The following NTSR1 variants were observed in gnomAD, a reference collection of about 807,000 sequenced individuals.
The protein encoded by NTSR1 is neurotensin receptor type 1.
In NTSR1, 29 loss-of-function variants were observed where a neutral mutation model predicts 31.2. That is an observed-to-expected ratio of 0.93 (90% CI 0.69 to 1.27). The LOEUF is 1.27. Ranked by LOEUF, NTSR1 falls within the 50% of genes most tolerant of loss-of-function variation. NTSR1 has a pLI of 0.00. For missense variants in NTSR1, 697 were observed against 595.4 expected (o/e 1.17, Z -1.78); for synonymous variants, 282 against 269.9 (o/e 1.04, Z -0.44).
chr20:62,711,681 G>A lies in NTSR1; in HGVS notation c.714+1760G>A, dbSNP rs767178518. On this transcript the variant is annotated intron_variant, in intron 1 of 3. Coordinates refer to ENST00000370501, the MANE Select transcript of NTSR1 (RefSeq NM_002531.3). This position sits in a 1 kb window ranked among gnomAD's most constrained non-coding sequence, Gnocchi z 6.4. ...CTGCAGTCCTCAAAAACAAACAGCC[G>A]AAAAGCACAGGGGCGTGAGGACAGC... 9.3e-5 allele frequency among the ~76,000 whole-genome samples: 14 copies of A among 150,632 alleles called. No homozygotes were observed. The highest frequency in any genetic ancestry group is 4.0e-4 in the East Asian group (2 of 5,022).
chr20:62,759,601 C>T (rs1416780588), intron 3 of NTSR1, among the ~76,000 whole-genome samples: 3 of 152,052 alleles, frequency 2.0e-5, no homozygotes, highest in East Asian at 1.9e-4. Context: ...GGTGAAACCC[C>T]GTCTCTACCA....
rs1988616327 is a variant in NTSR1 at position 62,711,599 on chromosome 20, G to GCTCAGATCCCCGATCCCCCCT, written c.714+1684_714+1685insTCCCCGATCCCCCCTCTCAGA. 1.9e-5 allele frequency among the ~76,000 whole-genome samples: 1 copy of GCTCAGATCCCCGATCCCCCCT among 52,486 alleles called. No individual in the cohort carries two copies. Among genetic ancestry groups the GCTCAGATCCCCGATCCCCCCT allele is most frequent in the African/African-American group, 7.9e-5 (1 of 12,638 alleles). 34.4% of individuals were successfully genotyped at this position (52,486 alleles called of 152,430 possible). Reference sequence around the variant, plus strand: ...CCCCGCTCAGATCCCCGATCCCCCCGCTCAGAACCCCGATCCCCCTGCTCC... The same window carrying GCTCAGATCCCCGATCCCCCCT: ...CCCCGCTCAGATCCCCGATCCCCCCGCTCAGATCCCCGATCCCCCCTCTCAGAACCCCGATCCCCCTGCTCC... On this transcript the variant is annotated intron_variant, in intron 1 of 3. Coordinates refer to ENST00000370501, the MANE Select transcript of NTSR1 (RefSeq NM_002531.3). This position sits in a 1 kb window ranked among gnomAD's most constrained non-coding sequence, Gnocchi z 6.4.
Position 62,758,836 on chromosome 20 carries a change from G to T in NTSR1, c.1007+480G>T, listed in dbSNP as rs1256682878. 6.6e-6 allele frequency among the ~76,000 whole-genome samples: 1 copy of T among 152,176 alleles called. No individual in the cohort carries two copies. The highest frequency in any genetic ancestry group is 1.5e-5 in the Non-Finnish European group (1 of 68,014). ...AGCAAAGGGAAAAGACACATGGAGT[G>T]GGGTCAGCGGAAGACCAGATGCAGC... On this transcript the variant is annotated intron_variant, in intron 3 of 3. Coordinates refer to ENST00000370501, the MANE Select transcript of NTSR1 (RefSeq NM_002531.3). This position sits in a 1 kb window ranked among gnomAD's most constrained non-coding sequence, Gnocchi z 4.5.
chr20:62,731,059 C>T (rs1468944467), intron 1 of NTSR1, among the ~76,000 whole-genome samples: 1 of 151,904 alleles, frequency 6.6e-6, no homozygotes, highest in African/African-American at 2.4e-5. Context: ...ATTTTTAGAG[C>T]GTTTTTGTTT....
At chr20:62,726,955 G>A (rs758320369) in intron 1 of NTSR1, among the ~76,000 whole-genome samples, 9 of 152,198 alleles carry the variant, frequency 5.9e-5, no homozygotes, top group Non-Finnish European at 1.0e-4. Flanking sequence ...TGTCCTCTGA[G>A]CCCCATCTGG....
rs375637852 is a variant in NTSR1, at chr20:62,712,214, C to T, written c.714+2293C>T. Among the ~76,000 whole-genome samples the T allele has an allele frequency of 5.5e-4, 84 of 152,324 alleles. 1 individual carries two copies. The highest frequency in any genetic ancestry group is 1.9e-3 in the African/African-American group (77 of 41,572). ...GGTTTCCCCGGAATTAGGGGGTTTACGGTCCCCACGTGGGCTTCTGGGCCA... is the reference window on the plus strand; with the variant it reads ...GGTTTCCCCGGAATTAGGGGGTTTATGGTCCCCACGTGGGCTTCTGGGCCA... On this transcript the variant is annotated intron_variant, in intron 1 of 3. Coordinates refer to ENST00000370501, the MANE Select transcript of NTSR1 (RefSeq NM_002531.3).
At chr20:62,718,053 A>C (rs977613531) in intron 1 of NTSR1, among the ~76,000 whole-genome samples, 1 of 152,130 alleles carries the variant, frequency 6.6e-6, no homozygotes, top group Non-Finnish European at 1.5e-5. Flanking sequence ...ACCCCAGGGC[A>C]GGCACGTGCT....
chr20:62,726,472 C>T (rs967308197), intron 1 of NTSR1, among the ~76,000 whole-genome samples: 7 of 152,156 alleles, frequency 4.6e-5, no homozygotes, highest in Admixed American at 6.5e-5. Context: ...TCGCTTAGCA[C>T]GGCATCCCCA....
Position 62,733,519 on chromosome 20 carries a change from G to T in NTSR1, c.715-21166G>T, listed in dbSNP as rs775547916. Among the ~76,000 whole-genome samples the T allele has an allele frequency of 2.1e-4, 32 of 152,170 alleles. No homozygotes were observed. Among genetic ancestry groups the T allele is most frequent in the Non-Finnish European group, 3.4e-4 (23 of 68,026 alleles). ...GGTTCTAGAAAGTTCTGGAAAGCTC[G>T]GCTGTGGCTGACTCCTGGCTTAGGG... On this transcript the variant is annotated intron_variant, in intron 1 of 3. Transcript: ENST00000370501. This position sits in a 1 kb window ranked among gnomAD's most constrained non-coding sequence, Gnocchi z 5.2.
rs376077095 is a variant in NTSR1, at chr20:62,737,358, A to G, written c.715-17327A>G. 5.9e-5 allele frequency among the ~76,000 whole-genome samples: 9 copies of G among 152,140 alleles called. No individual in the cohort carries two copies. In the East Asian group the frequency reaches 1.2e-3, roughly 20 times the overall value. On this transcript the variant is annotated intron_variant, in intron 1 of 3. Coordinates refer to ENST00000370501, the MANE Select transcript of NTSR1 (RefSeq NM_002531.3). Reference sequence around the variant, plus strand: ...ACAGTGACTCACTCTCTGGACCTTCACAGAAAGCATTCACCCACCCCACCC... The same window carrying G: ...ACAGTGACTCACTCTCTGGACCTTCGCAGAAAGCATTCACCCACCCCACCC...
intron 1 of NTSR1, among the ~76,000 whole-genome samples, chr20:62,718,950 G>GT (rs1204041508): frequency 6.6e-6 from 1 of 152,176 alleles, no homozygotes; most frequent in East Asian, 1.9e-4. Flanking sequence ...GCGATGCGCT[G>GT]TTTTGAACGT....
intron 1 of NTSR1, among the ~76,000 whole-genome samples, chr20:62,716,787 C>T (rs1209731547): frequency 1.3e-5 from 2 of 152,124 alleles, no homozygotes; most frequent in African/African-American, 4.8e-5. Context: ...CGCTCCCTGA[C>T]CAGGCTGCTG....
chr20:62,729,084 A>G (rs560182328), intron 1 of NTSR1, among the ~76,000 whole-genome samples: 1 of 152,300 alleles, frequency 6.6e-6, no homozygotes, highest in Non-Finnish European at 1.5e-5. Context: ...AGGGAGCTAA[A>G]CCTGAGACTG....
At chr20:62,730,691 G>T (rs1361351004) in intron 1 of NTSR1, among the ~76,000 whole-genome samples, 1 of 152,254 alleles carries the variant, frequency 6.6e-6, no homozygotes, top group African/African-American at 2.4e-5. Context: ...GCGCCATTTT[G>T]AATTCCCAGC....
intron 1 of NTSR1, 61 bp downstream of exon 1, chr20:62,709,982 G>A: frequency 3.0e-6 from 4 of 1,319,764 alleles, no homozygotes; most frequent in Non-Finnish European, 4.1e-6. Flanking sequence ...CAGTGCCAGT[G>A]GTGTGCCTTC....
Position 62,760,444 on chromosome 20 carries a change from C to A in NTSR1, c.*177C>A. 1.8e-6 allele frequency: 1 copy of A among 568,618 alleles called. No homozygotes were observed. The highest frequency in any genetic ancestry group is 2.9e-6 in the Non-Finnish European group (1 of 348,904). The allele number at this position is 568,618 out of a possible 1,614,324, so 35.2% of individuals were successfully genotyped here. ...CCTAACCCATGTTTCTCATTAGTGTCTCCCGGGCCTGTCCCCAACTCCTCC... is the reference window on the plus strand; with the variant it reads ...CCTAACCCATGTTTCTCATTAGTGTATCCCGGGCCTGTCCCCAACTCCTCC... On this transcript the variant is annotated 3_prime_UTR_variant, in exon 4 of 4. Coordinates refer to ENST00000370501, the MANE Select transcript of NTSR1 (RefSeq NM_002531.3).
At position 62,744,297 on chromosome 20, in the gene NTSR1, G is replaced by A. The variant is rs1046079499; in HGVS notation, c.715-10388G>A. 2.0e-5 allele frequency among the ~76,000 whole-genome samples: 3 copies of A among 152,204 alleles called. No homozygotes were observed. Among genetic ancestry groups the A allele is most frequent in the Admixed American group, 6.5e-5 (1 of 15,274 alleles). On this transcript the variant is annotated intron_variant, in intron 1 of 3. Transcript: ENST00000370501. This position sits in a 1 kb window ranked among gnomAD's most constrained non-coding sequence, Gnocchi z 4.1. ...GGGCTGGACGCAGTGGCTCGTGTTT[G>A]TAATCCCAGCACTTTGGGAGGCCGA...
At chr20:62,759,743 C>G (rs1387122906) in intron 3 of NTSR1, among the ~76,000 whole-genome samples, 1 of 149,080 alleles carries the variant, frequency 6.7e-6, no homozygotes, top group East Asian at 2.0e-4. Flanking sequence ...CCACTGTACT[C>G]CAGCCTGGGA....
chr20:62,741,520 C>T lies in NTSR1; in HGVS notation c.715-13165C>T, dbSNP rs1989206842. 1.3e-5 allele frequency among the ~76,000 whole-genome samples: 2 copies of T among 149,536 alleles called. No individual in the cohort carries two copies. Among genetic ancestry groups the T allele is most frequent in the South Asian group, 4.2e-4 (2 of 4,750 alleles). On this transcript the variant is annotated intron_variant, in intron 1 of 3. Transcript: ENST00000370501. This position sits in a 1 kb window ranked among gnomAD's most constrained non-coding sequence, Gnocchi z 4.3. ...GGGGGTCCCTACACCGGCCCCCTGC[C>T]CCACACCATGTTCCTCCCACCCCAT...
Sources: allele counts gnomAD v4.1 joint callset (sites outside exome capture counted in the v4.1 genomes callset), GRCh38; gene constraint gnomAD v4.1.1; non-coding constraint Gnocchi (gnomAD v3.1); transcripts MANE v1.5; gene names NCBI Gene and HGNC (gene_info 2026-07-23, HGNC 2026-07-21).